CCDC38: variants seen among roughly 807,000 people sequenced by gnomAD.
The protein encoded by CCDC38 is coiled-coil domain containing 38, also known as coiled-coil domain-containing protein 38.
In CCDC38, 69 loss-of-function variants were observed where a neutral mutation model predicts 72.8. That is an observed-to-expected ratio of 0.95 (90% CI 0.78 to 1.16). CCDC38 has a LOEUF of 1.16. CCDC38 is among the 50% of genes most tolerant of loss of function. The pLI is 0.00. For missense variants in CCDC38, 626 were observed against 638.9 expected (o/e 0.98, Z 0.22); for synonymous variants, 201 against 213.2 (o/e 0.94, Z 0.50).
At chr12:95,915,247 T>A (rs2136715540) in intron 4 of CCDC38, among the ~76,000 whole-genome samples, 1 of 152,292 alleles carries the variant, frequency 6.6e-6, no homozygotes, top group African/African-American at 2.4e-5. Flanking sequence ...GGCCATGAAT[T>A]AATAAAGCCC....
intron 3 of CCDC38, among the ~76,000 whole-genome samples, chr12:95,918,397 T>A: frequency 6.6e-6 from 1 of 152,226 alleles, no homozygotes; most frequent in Non-Finnish European, 1.5e-5. Context: ...TAACAGCCTT[T>A]TTTCCATCTT....
intron 7 of CCDC38, among the ~76,000 whole-genome samples, chr12:95,895,569 T>C (rs1165427467): frequency 2.0e-5 from 3 of 150,544 alleles, no homozygotes; most frequent in Admixed American, 6.6e-5. Flanking sequence ...CTGGCCAACA[T>C]GGAGAAAACC....
chr12:95,878,221 G>A lies in CCDC38; in HGVS notation c.1268C>T (p.Ser423Leu), dbSNP rs2079656258. The stretch of plus-strand genomic sequence containing the variant: ...CAAAGAGTGATTTACCTGAGCATCT[G>A]AATTAAATTCTCCAAAGCTAAAGAG... The part of the protein sequence containing the change: ...SKLFSFGEFN[S>L]DAQEILIDSL... The change falls in exon 13 of 16, where the codon TCA becomes TTA. Residue 423 changes from serine to leucine, a missense_variant. Ser to Leu is a moderately radical substitution (Grantham distance 145). Transcript: ENST00000344280. 9 of 1,613,170 alleles carry A rather than the reference G, an allele frequency of 5.6e-6. No individual in the cohort carries two copies. Among genetic ancestry groups the A allele is most frequent in the Non-Finnish European group, 7.6e-6 (9 of 1,179,722 alleles).
At chr12:95,905,565 T>C (rs1003597215) in intron 5 of CCDC38, among the ~76,000 whole-genome samples, 2 of 152,182 alleles carry the variant, frequency 1.3e-5, no homozygotes, top group Non-Finnish European at 2.9e-5. Flanking sequence ...ATGGAAGTAC[T>C]AACTAACTAA....
intron 13 of CCDC38, among the ~76,000 whole-genome samples, chr12:95,874,012 C>T (rs2079609503): frequency 6.6e-6 from 1 of 152,160 alleles, no homozygotes. Context: ...AAGAAAACAG[C>T]AAAAGTCCTA....
At chr12:95,881,355 C>A in intron 11 of CCDC38, 130 bp downstream of exon 11, 1 of 633,484 alleles carries the variant, frequency 1.6e-6, no homozygotes, top group Non-Finnish European at 2.6e-6. Context: ...AGAATAGTAT[C>A]AAAATTATAT....
chr12:95,937,586 G>A lies in CCDC38; in HGVS notation c.-14-1063C>T, dbSNP rs114702148. Among the ~76,000 whole-genome samples the A allele has an allele frequency of 3.1e-3, 469 of 152,248 alleles. 4 individuals are homozygous for A. Among genetic ancestry groups the A allele is most frequent in the African/African-American group, 0.011 (445 of 41,560 alleles). On this transcript the variant is annotated intron_variant, in intron 1 of 15. Transcript: ENST00000344280. Reference sequence around the variant, plus strand: ...GGAGTTTATATTTAAAAATGTGCCCGCAGCAGAAACAATGGACAACACATT... The same window carrying A: ...GGAGTTTATATTTAAAAATGTGCCCACAGCAGAAACAATGGACAACACATT...
intron 2 of CCDC38, among the ~76,000 whole-genome samples, chr12:95,930,611 T>G (rs1480900872): frequency 6.6e-6 from 1 of 152,118 alleles, no homozygotes; most frequent in African/African-American, 2.4e-5. Flanking sequence ...CTTTAATTAC[T>G]TTTGCAAAGA....
At chr12:95,893,472 C>CTT (rs1565950014) in intron 8 of CCDC38, among the ~76,000 whole-genome samples, 1 of 97,730 alleles carries the variant, frequency 1.0e-5, no homozygotes, top group Non-Finnish European at 1.9e-5. Flanking sequence ...CTCTCTCTTT[C>CTT]TCTCTCTCTC....
At chr12:95,882,260 G>A (rs1352313556) in intron 10 of CCDC38, among the ~76,000 whole-genome samples, 1 of 152,170 alleles carries the variant, frequency 6.6e-6, no homozygotes, top group Non-Finnish European at 1.5e-5. Context: ...TGGCAACGAT[G>A]AGTAAGTGTG....
chr12:95,891,507 G>A (rs537705748), intron 8 of CCDC38, among the ~76,000 whole-genome samples: 68 of 152,066 alleles, frequency 4.5e-4, no homozygotes, highest in Admixed American at 3.7e-3. Flanking sequence ...CAGTATGCCT[G>A]GCTAATTTTT....
At chr12:95,940,173 G>A (rs4762642) in intron 1 of CCDC38, among the ~76,000 whole-genome samples, 13,355 of 152,132 alleles carry the variant, frequency 0.088, 1,134 homozygotes, top group East Asian at 0.46. Context: ...TTTGAAATGG[G>A]AGCATAACTG....
Position 95,888,471 on chromosome 12 carries a change from T to C in CCDC38, c.907A>G (p.Lys303Glu). 13 of 1,614,112 alleles carry C rather than the reference T, an allele frequency of 8.1e-6. No individual in the cohort carries two copies. The highest frequency in any genetic ancestry group is 1.0e-5 in the Non-Finnish European group (12 of 1,180,008). ...TATATACTGTACTTTGATTTCTTTTTCTCTGGAGTGCGAGTCAGGCTTCTG... is the reference window on the plus strand; with the variant it reads ...TATATACTGTACTTTGATTTCTTTTCCTCTGGAGTGCGAGTCAGGCTTCTG... ...PSRSLTRTPE[K>E]KKSNLAESFG... Residue 303 changes from lysine (K) to glutamate (E), a missense_variant, in exon 10 of 16, where the codon AAA (lysine) becomes GAA (glutamate). By Grantham distance (56) the Lys-to-Glu change is moderately conservative. Transcript: ENST00000344280.
chr12:95,916,771 T>C (rs189504271), intron 4 of CCDC38, among the ~76,000 whole-genome samples: 12 of 152,296 alleles, frequency 7.9e-5, no homozygotes, highest in Non-Finnish European at 1.2e-4. Flanking sequence ...TTGGCTTGGA[T>C]ATCAAGGCTT....
chr12:95,874,611 G>C (rs1176352324), intron 13 of CCDC38, among the ~76,000 whole-genome samples: 4 of 152,214 alleles, frequency 2.6e-5, no homozygotes, highest in African/African-American at 9.6e-5. Context: ...TGACAGGGAA[G>C]GGAAGTTTCA....
rs189747259 is a variant in CCDC38, at chr12:95,911,001, G to A, written c.305-4550C>T. 2.3e-4 allele frequency among the ~76,000 whole-genome samples: 35 copies of A among 152,122 alleles called. 1 individual carries two copies. The East Asian group carries it at 6.7e-3, about 29-fold the overall frequency. On this transcript the variant is annotated intron_variant, in intron 4 of 15. Coordinates refer to ENST00000344280, the MANE Select transcript of CCDC38 (RefSeq NM_182496.3). Reference sequence around the variant, plus strand: ...ACCTGATTTCAAACTATACTACAAGGCTACCGTAACAAAAACAGCATGGTA... The same window carrying A: ...ACCTGATTTCAAACTATACTACAAGACTACCGTAACAAAAACAGCATGGTA...
chr12:95,875,743 A>T (rs1419060272), intron 13 of CCDC38, among the ~76,000 whole-genome samples: 1 of 152,156 alleles, frequency 6.6e-6, no homozygotes, highest in Non-Finnish European at 1.5e-5. Flanking sequence ...TATTAGTCCC[A>T]TTTCCGCAGA....
At chr12:95,910,041 G>A (rs1252679554) in intron 4 of CCDC38, among the ~76,000 whole-genome samples, 2 of 152,086 alleles carry the variant, frequency 1.3e-5, no homozygotes, top group African/African-American at 4.8e-5. Flanking sequence ...AATACTGGAA[G>A]TCTTAACCAG....
intron 8 of CCDC38, among the ~76,000 whole-genome samples, chr12:95,894,064 C>T (rs1331690633): frequency 6.6e-6 from 1 of 151,996 alleles, no homozygotes; most frequent in Non-Finnish European, 1.5e-5. Flanking sequence ...ACTAAAAATA[C>T]AAAAATTAGC....
Sources: gnomAD v4.1 joint callset for allele counts (sites outside exome capture counted in the v4.1 genomes callset) on GRCh38, gnomAD v4.1.1 for gene constraint, MANE v1.5 for transcripts, NCBI Gene and HGNC (gene_info 2026-07-23, HGNC 2026-07-21) for gene names.